Variants in MED20 observed in about 807,000 individuals in gnomAD.
The protein encoded by MED20 is mediator of RNA polymerase II transcription subunit 20.
MED20 carries 19 observed loss-of-function variants against 19.7 expected under a neutral mutation model. The ratio of observed to expected loss-of-function variants is 0.96; its 90% CI spans 0.67 to 1.42. The LOEUF (loss-of-function observed/expected upper bound fraction) is 1.42. Among genes scored for constraint, MED20 ranks in the 40% most tolerant of loss-of-function variants. The pLI, the probability that MED20 is intolerant of heterozygous loss-of-function variation, is 0.00. For missense variants in MED20, 225 were observed against 273.0 expected (o/e 0.82, Z 1.24); for synonymous variants, 105 against 104.8 (o/e 1.00, Z -0.01).
At chr6:41,920,043 G>C (rs770966388) in intron 1 of MED20, among the ~76,000 whole-genome samples, 1 of 152,160 alleles carries the variant, frequency 6.6e-6, no homozygotes, top group African/African-American at 2.4e-5. Flanking sequence ...CACATCTACT[G>C]AGATAAGAAA....
rs775739222 is a variant in MED20 at position 41,916,862 on chromosome 6, A to G, written c.92T>C (p.Leu31Pro). Residue 31 changes from leucine to proline, a missense_variant, in exon 2 of 4, where the codon CTT (leucine) becomes CCT (proline). Leu to Pro is a moderately conservative substitution (Grantham distance 98, BLOSUM62 -3). Transcript: ENST00000265350. ...AAATGTTCCTTGCTTCTCTGCCCCA[A>G]GCATCTCCAATTTCCGGGTAAGGAG... Reference protein sequence around the residue: ...VELLTRKLEMLGAEKQGTFCV... With the variant: ...VELLTRKLEMPGAEKQGTFCV... 41 of 1,613,978 alleles carry G rather than the reference A, an allele frequency of 2.5e-5. No homozygotes were observed. The Admixed American group carries it at 5.5e-4, about 22-fold the overall frequency.
At chr6:41,907,830 C>G (rs1775095336) in intron 3 of MED20, among the ~76,000 whole-genome samples, 4 of 152,108 alleles carry the variant, frequency 2.6e-5, no homozygotes, top group African/African-American at 2.4e-5. Context: ...TCCTTCTGCT[C>G]TCTTAATTTT....
Position 41,905,453 on chromosome 6 carries a change from A to G in MED20, c.*1619T>C, listed in dbSNP as rs1202696803. ...CAAAAACGGGGTGAGAACAAAAAAT[A>G]CAGATGACAGGTTCTGTAGTTATGG... On this transcript the variant is annotated 3_prime_UTR_variant, in exon 4 of 4. Coordinates refer to ENST00000265350, the MANE Select transcript of MED20 (RefSeq NM_004275.5). 3 of 152,232 alleles carry G rather than the reference A, an allele frequency of 2.0e-5. No homozygotes were observed. Among genetic ancestry groups the G allele is most frequent in the Non-Finnish European group, 1.5e-5 (1 of 68,046 alleles). The allele number at this position is 152,232 out of a possible 1,614,324, so 9.4% of individuals were successfully genotyped here.
In MED20 at chr6:41,910,982, G is replaced by A. The variant is rs557620336; in HGVS notation, c.170-1460C>T. Among the ~76,000 whole-genome samples the A allele has an allele frequency of 7.3e-5, 11 of 151,442 alleles. No individual in the cohort carries two copies. The East Asian group carries it at 8.1e-4, about 11-fold the overall frequency. On this transcript the variant is annotated intron_variant, in intron 2 of 3. Coordinates refer to ENST00000265350, the MANE Select transcript of MED20 (RefSeq NM_004275.5). ...AAATTAGCCAGGCATGGTGGCATGC[G>A]CCTGTAATCCCAGCTACTCGGGAGG...
chr6:41,920,658 C>T (rs1271008818), intron 1 of MED20: 2 of 238,200 alleles, frequency 8.4e-6, no homozygotes, highest in African/African-American at 4.5e-5. Context: ...GCCTGTAGTC[C>T]CAGCTACTCG....
At chr6:41,908,976 A>G (rs1775121007) in intron 3 of MED20, 1 of 434,086 alleles carries the variant, frequency 2.3e-6, no homozygotes, top group Non-Finnish European at 4.1e-6. Context: ...TGAGCCCAGG[A>G]GTCTGAGATC....
rs1387903255 is a variant in MED20 at position 41,905,356 on chromosome 6, A to G, written c.*1716T>C. The stretch of plus-strand genomic sequence containing the variant: ...TGTAAATCAGGAGGCCAAAAAGGTA[A>G]GATCTGTGCGTTTTATTTTTGTAAA... On this transcript the variant is annotated 3_prime_UTR_variant, in exon 4 of 4. Transcript: ENST00000265350. 1.3e-5 allele frequency: 2 copies of G among 152,264 alleles called. No individual in the cohort carries two copies. The highest frequency in any genetic ancestry group is 2.9e-5 in the Non-Finnish European group (2 of 68,046). The allele number at this position is 152,264 out of a possible 1,614,324, so 9.4% of individuals were successfully genotyped here.
In MED20 at chr6:41,909,414, A is replaced by G. The variant is rs772467133; in HGVS notation, c.278T>C (p.Val93Ala). 79 of 1,614,098 alleles carry G rather than the reference A, an allele frequency of 4.9e-5. No individual in the cohort carries two copies. Among genetic ancestry groups the G allele is most frequent in the Non-Finnish European group, 6.6e-5 (78 of 1,180,046 alleles). ...PCLIADTNFD[V>A]LMVKLKGFFQ... Reference sequence around the variant, plus strand: ...AAAGCCCTTGAGCTTCACCATAAGCACATCAAAGTTGGTGTCAGCAATAAG... The same window carrying G: ...AAAGCCCTTGAGCTTCACCATAAGCGCATCAAAGTTGGTGTCAGCAATAAG... Residue 93 changes from valine to alanine, a missense_variant, in exon 3 of 4, where the codon GTG becomes GCG. Transcript: ENST00000265350.
rs1775031998 is a variant in MED20 at position 41,905,821 on chromosome 6, A to T, written c.*1251T>A. ...GCAGGTATCAGGGTCAAGTATTCTA[A>T]CCCTAAGATCAGGGTGCATGAGAAC... On this transcript the variant is annotated 3_prime_UTR_variant, in exon 4 of 4. Transcript: ENST00000265350. 1 of 152,158 alleles carries T rather than the reference A, an allele frequency of 6.6e-6. No individual in the cohort carries two copies. The highest frequency in any genetic ancestry group is 1.5e-5 in the Non-Finnish European group (1 of 68,040). 9.4% of individuals were successfully genotyped at this position (152,158 alleles called of 1,614,324 possible).
intron 3 of MED20, 177 bp downstream of exon 3, chr6:41,909,092 T>C (rs1415205554): frequency 1.3e-6 from 1 of 771,086 alleles, no homozygotes; most frequent in Non-Finnish European, 2.1e-6. Context: ...AAGGATCACT[T>C]GAGCCCTGGA....
At chr6:41,917,513 C>T (rs1775345827) in intron 1 of MED20, 1 of 280,074 alleles carries the variant, frequency 3.6e-6, no homozygotes, top group Admixed American at 4.4e-5. Flanking sequence ...TAACTCATTA[C>T]ACTTGGACCA....
chr6:41,913,081 G>A (rs1775235736), intron 2 of MED20: 1 of 149,962 alleles, frequency 6.7e-6, no homozygotes, highest in Non-Finnish European at 1.5e-5. Context: ...TTGCACTCCA[G>A]CCTGGGTGAC....
intron 2 of MED20, among the ~76,000 whole-genome samples, chr6:41,912,197 A>AC (rs1775210980): frequency 9.4e-6 from 1 of 106,238 alleles, no homozygotes; most frequent in South Asian, 2.9e-4. Context: ...CACCATGCCC[A>AC]CCTTTTTTTT....
At chr6:41,913,669 G>T (rs1030660550) in intron 2 of MED20, among the ~76,000 whole-genome samples, 1 of 152,196 alleles carries the variant, frequency 6.6e-6, no homozygotes, top group Non-Finnish European at 1.5e-5. Flanking sequence ...GGAGGCCAAG[G>T]TGGGCGGATC....
At chr6:41,917,008 C>T in intron 1 of MED20, 69 bp from the exon 2 acceptor site, 1 of 1,562,702 alleles carries the variant, frequency 6.4e-7, no homozygotes. Context: ...CATTCACTCG[C>T]CCACAGCATC....
At chr6:41,909,571 C>T (rs1221789881) in intron 2 of MED20, 49 bp from the exon 3 acceptor site, 26 of 1,596,656 alleles carry the variant, frequency 1.6e-5, no homozygotes, top group East Asian at 2.2e-5. Flanking sequence ...CACTGGCAAA[C>T]CCCAGAGTAG....
intron 3 of MED20, 79 bp from the exon 4 acceptor site, chr6:41,907,366 G>T: frequency 7.3e-7 from 1 of 1,363,030 alleles, no homozygotes; most frequent in Non-Finnish European, 1.0e-6. Flanking sequence ...CCTGCCTCCT[G>T]CTCCCATCTT....
intron 3 of MED20, chr6:41,909,068 G>T: frequency 1.5e-6 from 1 of 665,446 alleles, no homozygotes; most frequent in Non-Finnish European, 2.5e-6. Flanking sequence ...CAGGTACTTG[G>T]GAGACTGAGG....
chr6:41,920,443 A>C (rs1418032946), intron 1 of MED20, among the ~76,000 whole-genome samples: 1 of 152,148 alleles, frequency 6.6e-6, no homozygotes, highest in Non-Finnish European at 1.5e-5. Context: ...TCATAGTCCA[A>C]AGACCCTATT....
Sources: allele counts gnomAD v4.1 joint callset (sites outside exome capture counted in the v4.1 genomes callset), GRCh38; gene constraint gnomAD v4.1.1; transcripts MANE v1.5; gene names NCBI Gene and HGNC (gene_info 2026-07-23, HGNC 2026-07-21).